Variants in KAZN observed in about 807,000 individuals in gnomAD.
The protein encoded by KAZN is kazrin.
Under a neutral mutation model 87.4 loss-of-function variants are expected in KAZN, and 40 were observed. The ratio of observed to expected loss-of-function variants is 0.46; its 90% CI spans 0.36 to 0.60. The LOEUF (loss-of-function observed/expected upper bound fraction) is 0.60, where lower values mean the gene tolerates loss of function less well. KAZN is among the 20% of genes least tolerant of loss of function. The pLI, the probability that KAZN is intolerant of heterozygous loss-of-function variation, is 0.00. For missense variants in KAZN, 898 were observed against 1,073.9 expected, an observed-to-expected ratio of 0.84 and a Z score of 2.29; for synonymous variants, 466 against 458.3, an observed-to-expected ratio of 1.02 and a Z score of -0.22.
At chr1:13,961,362 G>C (rs12044234) in intron 1 of KAZN, among the ~76,000 whole-genome samples, 10,441 of 152,236 alleles carry the variant, frequency 0.069, 538 homozygotes, top group East Asian at 0.3. Flanking sequence ...TTGCATTCTA[G>C]TGAGGAGAGA....
chr1:14,788,266 A>G (rs919577562), intron 1 of KAZN, among the ~76,000 whole-genome samples: 13 of 152,162 alleles, frequency 8.5e-5, no homozygotes, highest in African/African-American at 2.9e-4. Context: ...TCCAGCCTGC[A>G]AGCTCATTCG....
At chr1:14,784,007 G>A (rs1391521372) in intron 1 of KAZN, among the ~76,000 whole-genome samples, 1 of 152,186 alleles carries the variant, frequency 6.6e-6, no homozygotes, top group Non-Finnish European at 1.5e-5. Context: ...TTCAACCAGA[G>A]AAGCAGACCC....
intron 1 of KAZN, among the ~76,000 whole-genome samples, chr1:14,829,409 A>T (rs1361880686): frequency 6.6e-6 from 1 of 152,224 alleles, no homozygotes. Flanking sequence ...AAGCCAAGAG[A>T]AGAAATGAGT....
At chr1:14,734,470 AT>A (rs911699016) in intron 1 of KAZN, among the ~76,000 whole-genome samples, 3 of 151,104 alleles carry the variant, frequency 2.0e-5, no homozygotes, top group South Asian at 2.1e-4. Flanking sequence ...CGCTCGACTA[AT>A]TTTTTTTTAA....
intron 8 of KAZN, chr1:15,067,431 G>A (rs935427720): frequency 5.8e-5 from 57 of 985,356 alleles, no homozygotes; most frequent in Non-Finnish European, 6.6e-5. Context: ...TAATGCCAGG[G>A]GACGGAGGAT....
intron 2 of KAZN, among the ~76,000 whole-genome samples, chr1:14,431,965 A>G (rs556760941): frequency 1.5e-3 from 224 of 152,274 alleles, no homozygotes; most frequent in Non-Finnish European, 2.5e-3. Flanking sequence ...GCTTTCTTTC[A>G]TATGTACCTG....
At chr1:14,482,352 T>C (rs1008766787) in intron 2 of KAZN, among the ~76,000 whole-genome samples, 2 of 152,156 alleles carry the variant, frequency 1.3e-5, no homozygotes, top group Non-Finnish European at 2.9e-5. Flanking sequence ...AGAGTTTGAA[T>C]AAAATCAGAA....
rs34377005 is a variant in KAZN at position 14,088,955 on chromosome 1, ATT to A, written c.92-91468_92-91467del. Among the ~76,000 whole-genome samples the A allele has an allele frequency of 1.3e-4, 18 of 142,610 alleles. 1 individual carries two copies. The highest frequency in any genetic ancestry group is 4.6e-4 in the African/African-American group (18 of 39,136). The allele number at this position is 142,610 out of a possible 152,430, so 93.6% of individuals were successfully genotyped here. A position where few individuals can be genotyped will look rare whatever the true frequency, so the allele number is the denominator to read the frequency against. ...TTCTAAGATTCATACCATCATTCTA[ATT>A]TTTTTTTTTTTGATTAGTGGTTGCA... On this transcript the variant is annotated intron_variant, in intron 1 of 16. Transcript: ENST00000636203.
chr1:14,436,229 CA>C (rs1292822674), intron 2 of KAZN, among the ~76,000 whole-genome samples: 3 of 150,862 alleles, frequency 2.0e-5, no homozygotes, highest in African/African-American at 4.9e-5. Flanking sequence ...AACTCCAACT[CA>C]AAAAAAAGAA....
At chr1:15,074,320 G>A (rs564497051) in intron 8 of KAZN, among the ~76,000 whole-genome samples, 15 of 152,284 alleles carry the variant, frequency 9.9e-5, no homozygotes, top group Non-Finnish European at 1.9e-4. Flanking sequence ...TGAATGACGG[G>A]TCTGCAGCAT....
At chr1:14,976,575 G>A (rs1461246230) in intron 2 of KAZN, among the ~76,000 whole-genome samples, 1 of 152,214 alleles carries the variant, frequency 6.6e-6, no homozygotes, top group Non-Finnish European at 1.5e-5. Flanking sequence ...CAGCAGAAAT[G>A]CGTGAGCCGG....
intron 1 of KAZN, among the ~76,000 whole-genome samples, chr1:14,149,827 T>G (rs990766510): frequency 3.3e-5 from 5 of 152,216 alleles, no homozygotes; most frequent in Non-Finnish European, 7.3e-5. Flanking sequence ...GGAATGGAAC[T>G]GTATTGTTTT....
chr1:14,031,677 A>C (rs1036648079), intron 1 of KAZN, among the ~76,000 whole-genome samples: 1 of 152,208 alleles, frequency 6.6e-6, no homozygotes, highest in Admixed American at 6.5e-5. Flanking sequence ...AACACATCCC[A>C]CGTTGTAATT....
chr1:13,923,891 A>ATGTAACTATAAGTTACATGTAAGT (rs1450105737), intron 1 of KAZN, among the ~76,000 whole-genome samples: 2 of 152,262 alleles, frequency 1.3e-5, no homozygotes, highest in Non-Finnish European at 2.9e-5. Context: ...GTTAAATCCT[A>ATGTAACTATAAGTTACATGTAAGT]GGATTTGCTG....
intron 1 of KAZN, among the ~76,000 whole-genome samples, chr1:14,617,338 A>G (rs1036407935): frequency 6.6e-6 from 1 of 152,232 alleles, no homozygotes; most frequent in African/African-American, 2.4e-5. Flanking sequence ...TAAGTGTACA[A>G]TAGCATTCTG....
chr1:14,128,991 G>T (rs1413908773), intron 1 of KAZN, among the ~76,000 whole-genome samples: 1 of 152,126 alleles, frequency 6.6e-6, no homozygotes, highest in Non-Finnish European at 1.5e-5. Flanking sequence ...CATAAGCCTA[G>T]CAGGTAATAA....
intron 2 of KAZN, among the ~76,000 whole-genome samples, chr1:14,362,052 A>C (rs1034816660): frequency 2.6e-5 from 4 of 152,216 alleles, no homozygotes; most frequent in Non-Finnish European, 4.4e-5. Context: ...AAGCCAGTGT[A>C]TTAGTTAGCT....
chr1:14,666,525 A>C (rs1456646192), intron 1 of KAZN, among the ~76,000 whole-genome samples: 2 of 152,320 alleles, frequency 1.3e-5, no homozygotes, highest in East Asian at 3.9e-4. Flanking sequence ...GAATCACTTA[A>C]GGCAGCAGAA....
chr1:14,960,437 C>T (rs974690972), intron 1 of KAZN, among the ~76,000 whole-genome samples: 2 of 152,142 alleles, frequency 1.3e-5, no homozygotes, highest in African/African-American at 2.4e-5. Context: ...TGCAGGACAG[C>T]GGCAGTGGAG....
Sources: allele counts gnomAD v4.1 joint callset (sites outside exome capture counted in the v4.1 genomes callset), GRCh38; gene constraint gnomAD v4.1.1; transcripts MANE v1.5; gene names NCBI Gene and HGNC (gene_info 2026-07-23, HGNC 2026-07-21).